Variants in TMEM17 observed in about 807,000 individuals in gnomAD.
TMEM17 encodes transmembrane protein 17.
In TMEM17, 15 loss-of-function variants were observed where a neutral mutation model predicts 19.1. That is an observed-to-expected ratio of 0.78 (90% CI 0.52 to 1.21). The LOEUF is 1.21. Among genes scored for constraint, TMEM17 ranks in the 50% most tolerant of loss-of-function variants. TMEM17 has a pLI of 0.00. For synonymous variants in TMEM17, 103 were observed against 86.9 expected (o/e 1.19, Z -1.03); for missense variants, 245 against 242.3 (o/e 1.01, Z -0.07).
In TMEM17 at chr2:62,502,790, A is replaced by G. The variant is rs1430309387; in HGVS notation, c.105T>C (p.Asn35=). The G allele has an allele frequency of 6.3e-7, 1 of 1,591,300 alleles. No homozygotes were observed. Among genetic ancestry groups the G allele is most frequent in the East Asian group, 2.2e-5 (1 of 44,580 alleles). ...TGPESNEGPE[N]EMVSSLALQM... ...GCAGTGCCAAACTGGAGACCATTTC[A>G]TTTTCTACAGAAGGAACAGAAAAGG... Residue 35 remains asparagine, a synonymous_variant, in exon 2 of 4, where the codon AAT becomes AAC. Transcript: ENST00000335390.
chr2:62,478,649 CAATGCTGGATGAATAACAGAA>C, the TMEM17 span, among the ~76,000 whole-genome samples: 1 of 152,124 alleles, frequency 6.6e-6, no homozygotes, highest in Non-Finnish European at 1.5e-5. Flanking sequence ...AAGTCTGAGC[CAATGCTGGATGAATAACAGAA>C]GATGCTGGTC....
chr2:62,500,921 GCAAA>G lies in TMEM17; in HGVS notation c.*284_*287del. On this transcript the variant is annotated 3_prime_UTR_variant, in exon 4 of 4. Transcript: ENST00000335390. ...AACCAGAAATGCTACGAGAGAGCTG[GCAAA>G]TGACAACCACCAATACATAGATTTC... is the stretch of plus-strand genomic sequence containing the variant. The G allele has an allele frequency of 1.5e-5, 4 of 268,240 alleles. No individual in the cohort carries two copies. The highest frequency in any genetic ancestry group is 1.1e-4 in the South Asian group (1 of 9,140). 16.6% of individuals were successfully genotyped at this position (268,240 alleles called of 1,614,324 possible). A position where few individuals can be genotyped will look rare whatever the true frequency, so the allele number is the denominator to read the frequency against.
At chr2:62,486,251 T>C in the TMEM17 span, among the ~76,000 whole-genome samples, 1 of 152,118 alleles carries the variant, frequency 6.6e-6, no homozygotes. Context: ...ATAAGGCTGC[T>C]GGAGGTGAGG....
intron 1 of TMEM17, among the ~76,000 whole-genome samples, chr2:62,504,083 T>G (rs1484552448): frequency 1.3e-5 from 2 of 152,242 alleles, no homozygotes; most frequent in African/African-American, 4.8e-5. Flanking sequence ...AACATTATTT[T>G]CTCCTTTTCT....
At chr2:62,473,879 T>C in the TMEM17 span, among the ~76,000 whole-genome samples, 1 of 152,220 alleles carries the variant, frequency 6.6e-6, no homozygotes, top group African/African-American at 2.4e-5. Context: ...GAAGTAGGTC[T>C]TCTTGGAGGA....
At chr2:62,465,668 G>A in the TMEM17 span, among the ~76,000 whole-genome samples, 1 of 151,974 alleles carries the variant, frequency 6.6e-6, no homozygotes, top group Non-Finnish European at 1.5e-5. Flanking sequence ...GCTTAGCACT[G>A]ACACAGTAAG....
intron 1 of TMEM17, 63 bp downstream of exon 1, chr2:62,505,967 C>T (rs1156884454): frequency 1.6e-5 from 23 of 1,460,448 alleles, no homozygotes; most frequent in Non-Finnish European, 2.2e-5. Context: ...ATTCTGGACG[C>T]TCCAAAATCC....
chr2:62,502,317 C>A, intron 3 of TMEM17, 120 bp downstream of exon 3: 1 of 583,012 alleles, frequency 1.7e-6, no homozygotes, highest in Non-Finnish European at 3.0e-6. Context: ...AGTGGTAAAG[C>A]TGGAGTCAGG....
chr2:62,492,686 T>A, the TMEM17 span, among the ~76,000 whole-genome samples: 1 of 152,264 alleles, frequency 6.6e-6, no homozygotes, highest in Non-Finnish European at 1.5e-5. Flanking sequence ...CACTGTCATA[T>A]GCACTGGAGA....
intron 1 of TMEM17, among the ~76,000 whole-genome samples, chr2:62,503,438 T>A (rs1679985876): frequency 6.6e-6 from 1 of 152,194 alleles, no homozygotes; most frequent in South Asian, 2.1e-4. Context: ...AACAGTCTGG[T>A]GTACTGAACA....
the TMEM17 span, among the ~76,000 whole-genome samples, chr2:62,489,665 G>T: frequency 6.6e-6 from 1 of 152,110 alleles, no homozygotes; most frequent in African/African-American, 2.4e-5. Context: ...AACATAGGGG[G>T]CTGTTTTCAT....
At chr2:62,466,894 T>A in the TMEM17 span, among the ~76,000 whole-genome samples, 1 of 152,192 alleles carries the variant, frequency 6.6e-6, no homozygotes, top group Admixed American at 6.5e-5. Flanking sequence ...ACATTCTCAG[T>A]CCTGGCTGCA....
chr2:62,493,479 A>G, the TMEM17 span, among the ~76,000 whole-genome samples: 1 of 152,226 alleles, frequency 6.6e-6, no homozygotes, highest in Admixed American at 6.5e-5. Context: ...TTGCTATCCT[A>G]CTTGATCTGG....
chr2:62,474,886 A>G, the TMEM17 span, among the ~76,000 whole-genome samples: 3 of 152,148 alleles, frequency 2.0e-5, no homozygotes, highest in African/African-American at 7.2e-5. Flanking sequence ...ATAAGCCAGC[A>G]TTTAACTTCA....
At chr2:62,480,173 ATT>A in the TMEM17 span, among the ~76,000 whole-genome samples, 2 of 151,348 alleles carry the variant, frequency 1.3e-5, no homozygotes, top group Non-Finnish European at 2.9e-5. Context: ...GACGTTGAAC[ATT>A]TTTTTCATGT....
chr2:62,478,409 C>G, the TMEM17 span, among the ~76,000 whole-genome samples: 4,371 of 152,300 alleles, frequency 0.029, 95 homozygotes, highest in Non-Finnish European at 0.046. Flanking sequence ...GTTCAGAGAA[C>G]ACTGTCCTGA....
chr2:62,463,808 C>A, the TMEM17 span: 1 of 152,230 alleles, frequency 6.6e-6, no homozygotes, highest in Admixed American at 6.5e-5. Context: ...TGGCCCTGCC[C>A]CACCCCATCC....
At chr2:62,498,396 G>GA (rs36071175), downstream of TMEM17, among the ~76,000 whole-genome samples, 16,588 of 123,006 alleles carry the variant, frequency 0.13, 1,145 homozygotes, top group Middle Eastern at 0.18. Flanking sequence ...CAAGAAAAAA[G>GA]AAAAAAAAAA....
chr2:62,497,439 C>A (rs1456247555), downstream of TMEM17, among the ~76,000 whole-genome samples: 1 of 152,306 alleles, frequency 6.6e-6, no homozygotes, highest in East Asian at 1.9e-4. Context: ...TCTCATGTAC[C>A]CTTCCCACTA....
Sources: gnomAD v4.1 joint callset for allele counts (sites outside exome capture counted in the v4.1 genomes callset) on GRCh38, gnomAD v4.1.1 for gene constraint, MANE v1.5 for transcripts, NCBI Gene and HGNC (gene_info 2026-07-23, HGNC 2026-07-21) for gene names.